Variants in USH2A observed in about 807,000 individuals in gnomAD.
USH2A encodes the protein usherin, also known as Usher syndrome 2A (autosomal recessive, mild).
USH2A carries 443 observed loss-of-function variants against 538.9 expected under a neutral mutation model. The ratio of observed to expected loss-of-function variants is 0.82; its 90% confidence interval spans 0.76 to 0.89. The LOEUF (loss-of-function observed/expected upper bound fraction) is 0.89. Among genes scored for constraint, USH2A ranks in the 40% least tolerant of loss-of-function variants. The probability of loss-of-function intolerance (pLI) is 0.00; values close to 1 mark genes in which losing one functional copy is unlikely to be tolerated. For synonymous variants in USH2A, 2,413 were observed against 2,273.5 expected, an observed-to-expected ratio of 1.06 and a Z score of -1.75; for missense variants, 6,633 against 6,324.8, an observed-to-expected ratio of 1.05 and a Z score of -1.65.
chr1:215,633,809 C>T (rs920161246), intron 70 of USH2A, among the ~76,000 whole-genome samples: 4 of 152,138 alleles, frequency 2.6e-5, no homozygotes, highest in African/African-American at 4.8e-5. Context: ...TCACCTTTTA[C>T]CCTTCAATGA....
chr1:216,028,730 GGAA>G (rs2102508690), intron 32 of USH2A, among the ~76,000 whole-genome samples: 1 of 152,120 alleles, frequency 6.6e-6, no homozygotes, highest in South Asian at 2.1e-4. Flanking sequence ...TTACAAAATA[GGAA>G]GAAGAATATA....
At position 216,089,094 on chromosome 1, in the gene USH2A, A is replaced by G. The variant is rs1415151960; in HGVS notation, c.4804T>C (p.Tyr1602His). Residue 1602 changes from tyrosine to histidine, a missense_variant, in exon 23 of 72, where the codon TAT (tyrosine) becomes CAT (histidine). Tyr to His is a moderately conservative substitution (Grantham distance 83). Coordinates refer to ENST00000307340, the MANE Select transcript of USH2A (RefSeq NM_206933.4). Reference protein sequence around the residue: ...VTTTNDHGKQYSDGKWHEIIA... With the variant: ...VTTTNDHGKQHSDGKWHEIIA... ...ATTTCATGCCATTTTCCATCACTAT[A>G]TTGTTTGCCATGATCATTAGTTGTA... is the stretch of plus-strand genomic sequence containing the variant. 7 of 1,613,418 alleles carry G rather than the reference A, an allele frequency of 4.3e-6. No homozygotes were observed. The highest frequency in any genetic ancestry group is 4.2e-6 in the Non-Finnish European group (5 of 1,179,516).
intron 70 of USH2A, among the ~76,000 whole-genome samples, chr1:215,633,131 G>A (rs116802618): frequency 1.3e-5 from 2 of 152,292 alleles, no homozygotes; most frequent in Admixed American, 1.3e-4. Context: ...CATAGAATGG[G>A]AGGTGACATT....
At chr1:215,987,228 T>C (rs1304154763) in intron 35 of USH2A, among the ~76,000 whole-genome samples, 1 of 152,202 alleles carries the variant, frequency 6.6e-6, no homozygotes, top group African/African-American at 2.4e-5. Context: ...GGAATATGGC[T>C]CATGAGAATT....
intron 11 of USH2A, among the ~76,000 whole-genome samples, chr1:216,283,033 T>C (rs967429918): frequency 2.6e-5 from 4 of 152,232 alleles, no homozygotes; most frequent in Non-Finnish European, 2.9e-5. Flanking sequence ...GGAAATATAA[T>C]TGATCTTTGT....
At position 215,878,744 on chromosome 1, in the gene USH2A, T is replaced by A. The variant is rs2102451529; in HGVS notation, c.8558+20A>T. 3.1e-6 allele frequency: 5 copies of A among 1,612,002 alleles called. No homozygotes were observed. Among genetic ancestry groups the A allele is most frequent in the Non-Finnish European group, 4.2e-6 (5 of 1,178,640 alleles). On this transcript the variant is annotated intron_variant, in intron 42 of 71. Coordinates refer to ENST00000307340, the MANE Select transcript of USH2A (RefSeq NM_206933.4). ...GATAAGGACTACAGCAACATAAAAATCATAGTCACCTTCTCTTACCTCAAA... is the reference window on the plus strand; with the variant it reads ...GATAAGGACTACAGCAACATAAAAAACATAGTCACCTTCTCTTACCTCAAA...
intron 49 of USH2A, among the ~76,000 whole-genome samples, chr1:215,801,233 AG>A (rs907023086): frequency 2.0e-5 from 3 of 152,088 alleles, no homozygotes; most frequent in African/African-American, 7.2e-5. Flanking sequence ...AAACAAGAAA[AG>A]GTTGCCACCC....
chr1:216,287,679 A>C (rs1280981486), intron 11 of USH2A, among the ~76,000 whole-genome samples: 1 of 152,012 alleles, frequency 6.6e-6, no homozygotes, highest in African/African-American at 2.4e-5. Flanking sequence ...GGTGAAATGG[A>C]GAGACAAATC....
At chr1:215,949,141 A>G (rs1401705476) in intron 37 of USH2A, among the ~76,000 whole-genome samples, 2 of 152,108 alleles carry the variant, frequency 1.3e-5, no homozygotes, top group African/African-American at 4.8e-5. Flanking sequence ...GGCATGTTTT[A>G]AAAACACTGA....
At chr1:216,123,191 T>C (rs546481751) in intron 21 of USH2A, among the ~76,000 whole-genome samples, 19 of 152,212 alleles carry the variant, frequency 1.2e-4, no homozygotes, top group Non-Finnish European at 2.5e-4. Flanking sequence ...TTCTTCTTCC[T>C]CTGGGTAAAT....
In USH2A at chr1:215,790,243, T is replaced by C. The variant is rs769233119; in HGVS notation, c.9998A>G (p.Asp3333Gly). The C allele has an allele frequency of 2.4e-5, 38 of 1,613,978 alleles. No homozygotes were observed. The highest frequency in any genetic ancestry group is 3.1e-5 in the Non-Finnish European group (37 of 1,180,000). ...ACTGGAAGCTGAGCAGCATATGGTA[T>C]CTGACATATTCACATAATCCTGCCC... ...CCGQDYVNMS[D>G]TICCSASSGE... Residue 3333 changes from aspartate (D) to glycine (G), a missense_variant, in exon 51 of 72, where the codon GAT becomes GGT. Transcript: ENST00000307340.
chr1:215,775,306 G>T (rs1661430984), intron 55 of USH2A, among the ~76,000 whole-genome samples: 2 of 152,202 alleles, frequency 1.3e-5, no homozygotes, highest in African/African-American at 2.4e-5. Flanking sequence ...TGAACAAGGG[G>T]CCTGAATTTT....
chr1:216,389,327 T>C (rs1053099619), intron 3 of USH2A, among the ~76,000 whole-genome samples: 4 of 152,202 alleles, frequency 2.6e-5, no homozygotes, highest in African/African-American at 7.2e-5. Context: ...CTGTTATTTA[T>C]AATGTAGACA....
intron 43 of USH2A, among the ~76,000 whole-genome samples, chr1:215,875,820 T>A (rs11120684): frequency 0.36 from 52,729 of 148,200 alleles, 9,570 homozygotes; most frequent in Admixed American, 0.47. Flanking sequence ...TTAGGCAGAA[T>A]TGGTGACTTT....
intron 61 of USH2A, among the ~76,000 whole-genome samples, chr1:215,680,707 A>T (rs1658200151): frequency 6.6e-6 from 1 of 151,942 alleles, no homozygotes; most frequent in African/African-American, 2.4e-5. Flanking sequence ...TCAGTGCTGC[A>T]TCCAGCTCAA....
chr1:216,032,423 A>C (rs1669149028), intron 32 of USH2A, among the ~76,000 whole-genome samples: 1 of 152,168 alleles, frequency 6.6e-6, no homozygotes, highest in African/African-American at 2.4e-5. Context: ...AGGCTTAGTA[A>C]GGTCACAGGG....
At position 216,389,481 on chromosome 1, in the gene USH2A, C is replaced by G. The variant is rs140335595; in HGVS notation, c.652-24396G>C. Among the ~76,000 whole-genome samples the G allele has an allele frequency of 2.4e-3, 372 of 152,238 alleles. 2 individuals carry two copies. Among genetic ancestry groups the G allele is most frequent in the African/African-American group, 8.7e-3 (362 of 41,538 alleles). ...ATAGCATTTCTTCCAGAGAAATTAA[C>G]TAAGCAAGATTTTTCTAATTAAAAT... is the stretch of plus-strand genomic sequence containing the variant. On this transcript the variant is annotated intron_variant, in intron 3 of 71. Transcript: ENST00000307340.
chr1:216,353,692 A>T (rs1184345863), intron 4 of USH2A, among the ~76,000 whole-genome samples: 1 of 152,144 alleles, frequency 6.6e-6, no homozygotes, highest in Admixed American at 6.6e-5. Context: ...GTTGTGCCAA[A>T]GAAAAAAAGG....
chr1:215,695,776 C>A (rs941844041), intron 61 of USH2A, among the ~76,000 whole-genome samples: 3 of 152,002 alleles, frequency 2.0e-5, no homozygotes, highest in Non-Finnish European at 4.4e-5. Flanking sequence ...TTTTTTGAGA[C>A]AGAGTCTCTC....
Sources: allele counts gnomAD v4.1 joint callset (sites outside exome capture counted in the v4.1 genomes callset), GRCh38; gene constraint gnomAD v4.1.1; transcripts MANE v1.5; gene names NCBI Gene and HGNC (gene_info 2026-07-23, HGNC 2026-07-21).